Variants in TTC23L observed in about 807,000 individuals in gnomAD.
TTC23L encodes the protein tetratricopeptide repeat protein 23-like.
In TTC23L, 42 loss-of-function variants were observed where a neutral mutation model predicts 48.1. The ratio of observed to expected loss-of-function variants is 0.87; its 90% CI spans 0.68 to 1.13. The LOEUF (loss-of-function observed/expected upper bound fraction) is 1.13, where lower values mean the gene tolerates loss of function less well. Ranked by LOEUF, TTC23L falls within the 50% of genes most tolerant of loss-of-function variation. The pLI, the probability that TTC23L is intolerant of heterozygous loss-of-function variation, is 0.00. For missense variants in TTC23L, 391 were observed against 421.0 expected (o/e 0.93, Z 0.62); for synonymous variants, 159 against 157.2 (o/e 1.01, Z -0.09).
chr5:34,884,862 A>G (rs966169754), intron 9 of TTC23L, among the ~76,000 whole-genome samples: 1 of 152,210 alleles, frequency 6.6e-6, no homozygotes, highest in African/African-American at 2.4e-5. Flanking sequence ...GTTCTCTGGA[A>G]AGCAGCAATT....
chr5:34,923,138 T>C, the TTC23L span: 2 of 1,612,926 alleles, frequency 1.2e-6, no homozygotes, highest in Non-Finnish European at 1.7e-6. Context: ...ACTAGATCTT[T>C]AGTACACCAC....
Position 34,863,222 on chromosome 5 carries a change from C to A in TTC23L, c.536+168C>A, listed in dbSNP as rs1317188878. ...CTCTCCATCTAGAAGGGTGTGTATT[C>A]TCTTCCTATGTCTATTCATATAAGC... On this transcript the variant is annotated intron_variant, in intron 5 of 10. Coordinates refer to ENST00000505624, the Ensembl canonical transcript of TTC23L. This position sits in a 1 kb window ranked among gnomAD's most constrained non-coding sequence, Gnocchi z 4.1. Among the ~76,000 whole-genome samples the A allele has an allele frequency of 6.6e-6, 1 of 152,298 alleles. No homozygotes were observed. Among genetic ancestry groups the A allele is most frequent in the East Asian group, 1.9e-4 (1 of 5,182 alleles).
the TTC23L span, among the ~76,000 whole-genome samples, chr5:34,916,999 CT>C: frequency 2.0e-5 from 3 of 152,212 alleles, no homozygotes; most frequent in Non-Finnish European, 4.4e-5. Flanking sequence ...TCGATACATT[CT>C]ATGGAAGTGC....
At chr5:34,866,019 GA>G (rs1702148941) in intron 6 of TTC23L, among the ~76,000 whole-genome samples, 1 of 152,180 alleles carries the variant, frequency 6.6e-6, no homozygotes, top group Non-Finnish European at 1.5e-5. Context: ...TAGGCTTATA[GA>G]GTTTGAGAAA....
At chr5:34,856,747 T>C (rs1760166501) in intron 4 of TTC23L, among the ~76,000 whole-genome samples, 1 of 152,130 alleles carries the variant, frequency 6.6e-6, no homozygotes, top group South Asian at 2.1e-4. Context: ...GAGAAGCAGG[T>C]TGGTGCAGTG....
intron 4 of TTC23L, 52 bp downstream of exon 4, chr5:34,850,360 T>G: frequency 6.2e-7 from 1 of 1,609,804 alleles, no homozygotes; most frequent in Non-Finnish European, 8.5e-7. Context: ...AAGGCTGAAC[T>G]GACCCACACA....
chr5:34,852,257 G>C (rs1440397606), intron 4 of TTC23L, among the ~76,000 whole-genome samples: 2 of 152,108 alleles, frequency 1.3e-5, no homozygotes, highest in East Asian at 3.9e-4. Context: ...TAAGGCATAG[G>C]AAGTGAGAGG....
rs114342364 is a variant in TTC23L, at chr5:34,888,423, C to T, written c.1077+8115C>T. ...CAGTTAAGGTGCTTGCTATCTGATTCTCTTTAACCTGTTGTTTCTCACCTC... is the reference window on the plus strand; with the variant it reads ...CAGTTAAGGTGCTTGCTATCTGATTTTCTTTAACCTGTTGTTTCTCACCTC... On this transcript the variant is annotated intron_variant, in intron 9 of 10. Transcript: ENST00000505624. The T allele has an allele frequency of 4.9e-3, 4,697 of 960,282 alleles. 25 individuals carry two copies. Among genetic ancestry groups the T allele is most frequent in the Middle Eastern group, 0.013 (24 of 1,864 alleles). The allele number at this position is 960,282 out of a possible 1,614,324, so 59.5% of individuals were successfully genotyped here.
At chr5:34,886,470 G>A (rs997304905) in intron 9 of TTC23L, among the ~76,000 whole-genome samples, 1 of 151,920 alleles carries the variant, frequency 6.6e-6, no homozygotes, top group Non-Finnish European at 1.5e-5. Context: ...GCAAAAATGT[G>A]GCTGAAACTT....
At chr5:34,880,020 CA>C (rs1298816924) in intron 8 of TTC23L, among the ~76,000 whole-genome samples, 160 bp from the exon 9 acceptor site, 1 of 151,818 alleles carries the variant, frequency 6.6e-6, no homozygotes, top group South Asian at 2.1e-4. Context: ...ACAACAACAG[CA>C]AAAAAACCAC....
intron 9 of TTC23L, among the ~76,000 whole-genome samples, chr5:34,890,927 C>T (rs1276107879): frequency 6.6e-6 from 1 of 152,160 alleles, no homozygotes; most frequent in Non-Finnish European, 1.5e-5. Context: ...ACTCAGGCTC[C>T]ATCACTCAGC....
chr5:34,912,188 ATG>A, the TTC23L span, among the ~76,000 whole-genome samples: 2 of 152,240 alleles, frequency 1.3e-5, no homozygotes, highest in African/African-American at 4.8e-5. Flanking sequence ...TGAAGGTTCA[ATG>A]TGTGTAACAG....
At chr5:34,867,011 C>T in exon 7 of TTC23L, 1 of 1,612,114 alleles carries the variant, frequency 6.2e-7, no homozygotes, top group South Asian at 1.1e-5. Flanking sequence ...TACGAGGAAG[C>T]TGCTCAGATA....
At chr5:34,905,131 T>TA in the TTC23L span, 3 of 152,218 alleles carry the variant, frequency 2.0e-5, no homozygotes, top group African/African-American at 7.2e-5. Flanking sequence ...GAAATTCTGT[T>TA]AAAGCTAATG....
chr5:34,864,636 T>C (rs898199875), intron 6 of TTC23L, 74 bp downstream of exon 6: 20 of 1,461,392 alleles, frequency 1.4e-5, no homozygotes, highest in East Asian at 7.0e-5. Flanking sequence ...GGGAGAAAAA[T>C]ATTTAGAGCA....
At chr5:34,871,288 C>G (rs1209304261) in intron 8 of TTC23L, among the ~76,000 whole-genome samples, 1 of 151,036 alleles carries the variant, frequency 6.6e-6, no homozygotes, top group African/African-American at 2.4e-5. Flanking sequence ...CAACTGGAAA[C>G]AAAAATTTAA....
chr5:34,923,182 A>C, the TTC23L span: 2 of 1,614,202 alleles, frequency 1.2e-6, no homozygotes, highest in Non-Finnish European at 1.7e-6. Flanking sequence ...TTTGTGGACC[A>C]CGTGTTTACT....
chr5:34,917,509 G>A, the TTC23L span, among the ~76,000 whole-genome samples: 1 of 151,816 alleles, frequency 6.6e-6, no homozygotes, highest in Non-Finnish European at 1.5e-5. Flanking sequence ...GTGCAGTGGC[G>A]GGCACCTGTA....
chr5:34,916,586 A>G, the TTC23L span: 4 of 152,274 alleles, frequency 2.6e-5, no homozygotes, highest in African/African-American at 9.6e-5. Flanking sequence ...TTTATTCAAA[A>G]GAAGTGCACA....
Sources: gnomAD v4.1 joint callset for allele counts (sites outside exome capture counted in the v4.1 genomes callset) on GRCh38, gnomAD v4.1.1 for gene constraint, Gnocchi (gnomAD v3.1) non-coding constraint, MANE v1.5 for transcripts, NCBI Gene and HGNC (gene_info 2026-07-23, HGNC 2026-07-21) for gene names.